The following SCPEP1 variants were observed in gnomAD, a reference collection of about 807,000 sequenced individuals.
The protein encoded by SCPEP1 is serine carboxypeptidase 1, also known as retinoid-inducible serine carboxypeptidase.
In SCPEP1, 51 loss-of-function variants were observed where a neutral mutation model predicts 63.8. The ratio of observed to expected loss-of-function variants is 0.80; its 90% confidence interval spans 0.64 to 1.01. The LOEUF is 1.01. SCPEP1 is among the 50% of genes least tolerant of loss of function. The pLI is 0.00. For synonymous variants in SCPEP1, 204 were observed against 207.8 expected, an observed-to-expected ratio of 0.98 and a Z score of 0.16; for missense variants, 499 against 554.9, an observed-to-expected ratio of 0.90 and a Z score of 1.01.
intron 8 of SCPEP1, 99 bp from the exon 9 acceptor site, chr17:56,996,863 C>T (rs1337545401): frequency 5.8e-6 from 4 of 693,638 alleles, no homozygotes; most frequent in Admixed American, 3.2e-5. Flanking sequence ...CAAAATTAAA[C>T]CTGTCCTTGG....
At chr17:56,991,016 C>T in intron 5 of SCPEP1, 83 bp from the exon 6 acceptor site, 7 of 1,003,462 alleles carry the variant, frequency 7.0e-6, no homozygotes, top group East Asian at 4.7e-5. Flanking sequence ...AAGCGATCCT[C>T]CTGCCTAAGC....
intron 12 of SCPEP1, among the ~76,000 whole-genome samples, chr17:57,003,379 G>A (rs960512081): frequency 6.6e-6 from 1 of 152,158 alleles, no homozygotes. Flanking sequence ...GCAAGCCTGG[G>A]GCCAAAGACC....
intron 7 of SCPEP1, 29 bp downstream of exon 7, chr17:56,995,047 G>A: frequency 1.3e-6 from 2 of 1,597,116 alleles, no homozygotes; most frequent in East Asian, 2.2e-5. Context: ...GCACCCTCTG[G>A]GCAAACAGCC....
At chr17:56,986,928 G>A (rs1208056610) in intron 3 of SCPEP1, among the ~76,000 whole-genome samples, 1 of 152,154 alleles carries the variant, frequency 6.6e-6, no homozygotes, top group Non-Finnish European at 1.5e-5. Context: ...TCCTGTGCTT[G>A]GTTCCAACAG....
In SCPEP1 at chr17:56,982,754, T is replaced by A. The variant is rs984428284; in HGVS notation, c.225+1524T>A. On this transcript the variant is annotated intron_variant, in intron 2 of 12. Coordinates refer to ENST00000262288, the MANE Select transcript of SCPEP1 (RefSeq NM_021626.3). Reference sequence around the variant, plus strand: ...CAGCAGAACTTTTCTTTTTTTTTTTTACCCCCAAATGAAAGCTTACAAAGG... The same window carrying A: ...CAGCAGAACTTTTCTTTTTTTTTTTAACCCCCAAATGAAAGCTTACAAAGG... The A allele has an allele frequency of 2.0e-5, 3 of 150,592 alleles. No homozygotes were observed. The East Asian group carries it at 5.8e-4, about 29-fold the overall frequency. 9.3% of individuals were successfully genotyped at this position (150,592 alleles called of 1,614,324 possible).
At position 56,985,774 on chromosome 17, in the gene SCPEP1, C is replaced by T. The variant is rs148159269; in HGVS notation, c.315+307C>T. ...GTGTTATGCACGCTGGCCATCTCCG[C>T]GGCCTCAGACACCATGGTTGCACCC... is the stretch of plus-strand genomic sequence containing the variant. On this transcript the variant is annotated intron_variant, in intron 3 of 12. Coordinates refer to ENST00000262288, the MANE Select transcript of SCPEP1 (RefSeq NM_021626.3). Among the ~76,000 whole-genome samples, 965 of 152,212 alleles carry T rather than the reference C, an allele frequency of 6.3e-3. 12 individuals are homozygous for T. The highest frequency in any genetic ancestry group is 0.022 in the African/African-American group (930 of 41,514).
At chr17:56,996,765 C>T (rs942709183) in intron 8 of SCPEP1, among the ~76,000 whole-genome samples, 197 bp from the exon 9 acceptor site, 18 of 152,168 alleles carry the variant, frequency 1.2e-4, no homozygotes, top group African/African-American at 4.3e-4. Flanking sequence ...GTGATCCACC[C>T]ACCTCAGCCT....
rs1911521415 is a variant in SCPEP1 at position 56,995,546 on chromosome 17, G to A, written c.697G>A (p.Val233Ile). ...EDKGLAEVSK[V>I]AEQVLNAVNK... The stretch of plus-strand genomic sequence containing the variant: ...CAAAGGTCTGGCAGAGGTGTCTAAG[G>A]TTGCAGAGCAAGTACTGAATGCCGT... The change falls in exon 8 of 13, where the codon GTT becomes ATT. Residue 233 changes from valine to isoleucine, a missense_variant. Physicochemically the swap from Val to Ile is conservative, Grantham distance 29. Transcript: ENST00000262288. 18 of 1,614,062 alleles carry A rather than the reference G, an allele frequency of 1.1e-5. No homozygotes were observed. In the East Asian group the frequency reaches 3.8e-4, roughly 34 times the overall value.
In SCPEP1 at chr17:56,981,134, G is replaced by A; in HGVS notation, c.129G>A (p.Val43=). The A allele has an allele frequency of 6.2e-7, 1 of 1,614,202 alleles. No homozygotes were observed. Residue 43 remains valine (V), a synonymous_variant, in exon 2 of 13, where the codon GTG becomes GTA. Transcript: ENST00000262288. Reference sequence around the variant, plus strand: ...AGGGCAAGGAAGTATGGGATTATGTGACGGTCCGCAAGGATGCCTACATGT... The same window carrying A: ...AGGGCAAGGAAGTATGGGATTATGTAACGGTCCGCAAGGATGCCTACATGT... The part of the protein sequence containing the change: ...TEEGKEVWDY[V]TVRKDAYMFW...
intron 11 of SCPEP1, 50 bp downstream of exon 11, chr17:57,001,042 T>A (rs765232303): frequency 6.2e-7 from 1 of 1,602,306 alleles, no homozygotes; most frequent in South Asian, 1.1e-5. Flanking sequence ...TGGGTTCAAC[T>A]GGAAGGGAAC....
intron 7 of SCPEP1, 73 bp downstream of exon 7, chr17:56,995,091 A>G (rs1474487841): frequency 8.8e-6 from 12 of 1,357,446 alleles, no homozygotes; most frequent in African/African-American, 1.4e-5. Flanking sequence ...CCCCAGGAAA[A>G]GAGATGCTGG....
chr17:56,981,042 A>G (rs1262088761), intron 1 of SCPEP1, 40 bp from the exon 2 acceptor site: 4 of 1,608,816 alleles, frequency 2.5e-6, no homozygotes, highest in Non-Finnish European at 3.4e-6. Context: ...CCTGTACATT[A>G]GGCACTCTTC....
chr17:56,985,059 T>G, intron 2 of SCPEP1: 1 of 332,024 alleles, frequency 3.0e-6, no homozygotes, highest in Non-Finnish European at 5.6e-6. Flanking sequence ...GAGCCGAGAT[T>G]GCACCACTGC....
chr17:56,982,268 C>T (rs1911089735), intron 2 of SCPEP1, among the ~76,000 whole-genome samples: 2 of 152,144 alleles, frequency 1.3e-5, no homozygotes, highest in African/African-American at 4.8e-5. Flanking sequence ...TGGTGCTCAC[C>T]TCCATAGGAT....
intron 2 of SCPEP1, 143 bp downstream of exon 2, chr17:56,981,373 G>C: frequency 1.2e-6 from 1 of 801,312 alleles, no homozygotes; most frequent in East Asian, 2.7e-5. Context: ...GTGCTTCTGA[G>C]GTAGGCTGAG....
At chr17:56,983,525 C>T (rs1378853270) in intron 2 of SCPEP1, 1 of 152,252 alleles carries the variant, frequency 6.6e-6, no homozygotes, top group Non-Finnish European at 1.5e-5. Flanking sequence ...GGCAGTGTAG[C>T]ATTCCATGCA....
intron 2 of SCPEP1, chr17:56,985,127 A>AAGAAC: frequency 1.9e-6 from 1 of 529,024 alleles, no homozygotes. Context: ...AAGAAAAGAA[A>AAGAAC]AAATCAGGAG....
chr17:57,002,923 G>T (rs1373247186), intron 12 of SCPEP1, among the ~76,000 whole-genome samples: 4 of 151,916 alleles, frequency 2.6e-5, no homozygotes, highest in African/African-American at 9.7e-5. Context: ...TTAGGGCTTG[G>T]GAGTGTTTTG....
At chr17:57,004,650 A>T (rs1911832360) in intron 12 of SCPEP1, among the ~76,000 whole-genome samples, 1 of 152,176 alleles carries the variant, frequency 6.6e-6, no homozygotes, top group South Asian at 2.1e-4. Flanking sequence ...AGGCAATGGA[A>T]TTCATTTATG....
Sources: allele counts gnomAD v4.1 joint callset (sites outside exome capture counted in the v4.1 genomes callset), GRCh38; gene constraint gnomAD v4.1.1; transcripts MANE v1.5; gene names NCBI Gene and HGNC (gene_info 2026-07-23, HGNC 2026-07-21).